The following PCNT variants were observed in gnomAD, a reference collection of about 807,000 sequenced individuals.
The protein encoded by PCNT is kendrin.
In PCNT, 319 loss-of-function variants were observed where a neutral mutation model predicts 380.4. The observed-to-expected ratio is 0.84, with a 90% confidence interval of 0.77 to 0.92. The LOEUF (loss-of-function observed/expected upper bound fraction) is 0.92, where lower values mean the gene tolerates loss of function less well. Ranked by LOEUF, PCNT falls within the 40% of genes least tolerant of loss-of-function variation. The probability of loss-of-function intolerance (pLI) is 0.00; values close to 1 mark genes in which losing one functional copy is unlikely to be tolerated. For synonymous variants in PCNT, 1,845 were observed against 1,735.2 expected (o/e 1.06, Z -1.57); for missense variants, 4,400 against 4,255.3 (o/e 1.03, Z -0.95).
Position 46,430,548 on chromosome 21 carries a change from T to C in PCNT, c.7955T>C (p.Leu2652Pro). 2 of 1,556,310 alleles carry C rather than the reference T, an allele frequency of 1.3e-6. No individual in the cohort carries two copies. Among genetic ancestry groups the C allele is most frequent in the South Asian group, 1.2e-5 (1 of 84,420 alleles). The part of the protein sequence containing the change: ...SSKENELKAA[L>P]QELESEQGKG... ...AAGGAGAACGAGCTGAAGGCCGCGC[T>C]TCAGGAGCTGGAGAGTGAGCAGGGG... Residue 2652 changes from leucine to proline, a missense_variant, in exon 37 of 47, where the codon CTT becomes CCT. Leu to Pro is a moderately conservative substitution (Grantham distance 98, BLOSUM62 -3). Transcript: ENST00000359568.
rs1226671521 is a variant in PCNT at position 46,365,444 on chromosome 21, T to TCTATTCA, written c.2610-1138_2610-1137insATTCACT. ...GGGGTTCTATTCACTGCCGTGGGGTTCTGTTCACTGCCGTGGGGTTCTGTT... is the reference window on the plus strand; with the variant it reads ...GGGGTTCTATTCACTGCCGTGGGGTTCTATTCACTGTTCACTGCCGTGGGGTTCTGTT... On this transcript the variant is annotated intron_variant, in intron 14 of 46. Coordinates refer to ENST00000359568, the MANE Select transcript of PCNT (RefSeq NM_006031.6). Among the ~76,000 whole-genome samples, 65 of 147,978 alleles carry TCTATTCA rather than the reference T, an allele frequency of 4.4e-4. 9 individuals are homozygous for TCTATTCA. The highest frequency in any genetic ancestry group is 1.4e-3 in the African/African-American group (55 of 39,768).
intron 16 of PCNT, 51 bp downstream of exon 16, chr21:46,381,891 T>C: frequency 6.3e-7 from 1 of 1,593,254 alleles, no homozygotes. Context: ...AGCATAAAAA[T>C]CATTTTCACT....
At chr21:46,391,050 T>G in intron 20 of PCNT, 114 bp from the exon 21 acceptor site, 9 of 1,196,774 alleles carry the variant, frequency 7.5e-6, no homozygotes, top group Non-Finnish European at 1.1e-5. Flanking sequence ...TGGAAGCTGC[T>G]GGCTCTTAGC....
rs769557050 is a variant in PCNT, at chr21:46,436,469, G to GCCCCCCCCCCCCCCCC, written c.8996+321_8996+322insCCCCCCCCCCCCCCCC. On this transcript the variant is annotated intron_variant, in intron 39 of 46. Transcript: ENST00000359568. ...CAGGGTCGGGTTTGGAGCCTCCTGT[G>GCCCCCCCCCCCCCCCC]GCCCCCCCCCCCCCCCCCCGCTGGC... is the stretch of plus-strand genomic sequence containing the variant. Among the ~76,000 whole-genome samples, 38 of 40,028 alleles carry GCCCCCCCCCCCCCCCC rather than the reference G, an allele frequency of 9.5e-4. 18 individuals are homozygous for GCCCCCCCCCCCCCCCC. Among genetic ancestry groups the GCCCCCCCCCCCCCCCC allele is most frequent in the Non-Finnish European group, 1.3e-3 (23 of 17,218 alleles). The allele number at this position is 40,028 out of a possible 152,430, so 26.3% of individuals were successfully genotyped here.
intron 32 of PCNT, among the ~76,000 whole-genome samples, chr21:46,424,192 T>C (rs2147882499): frequency 6.6e-6 from 1 of 152,290 alleles, no homozygotes; most frequent in African/African-American, 2.4e-5. Flanking sequence ...CTGAGGAGGC[T>C]GAGAGGTCCT....
chr21:46,386,831 G>T (rs183870189), intron 17 of PCNT, among the ~76,000 whole-genome samples: 33 of 152,342 alleles, frequency 2.2e-4, no homozygotes, highest in Non-Finnish European at 4.1e-4. Context: ...TCGGCACTGT[G>T]TTGCCAAACG....
intron 25 of PCNT, among the ~76,000 whole-genome samples, chr21:46,401,044 A>C (rs759429545): frequency 6.6e-5 from 10 of 152,244 alleles, no homozygotes; most frequent in Non-Finnish European, 1.3e-4. Context: ...TACTGAGCTT[A>C]GTAGATGCCA....
intron 20 of PCNT, 75 bp downstream of exon 20, chr21:46,390,907 G>A (rs1250901837): frequency 3.3e-6 from 5 of 1,496,094 alleles, no homozygotes; most frequent in Non-Finnish European, 4.6e-6. Context: ...AGGGAAGGAA[G>A]CCTTCAGAAT....
intron 9 of PCNT, 25 bp downstream of exon 9, chr21:46,351,565 A>C: frequency 7.7e-7 from 1 of 1,303,672 alleles, no homozygotes; most frequent in Non-Finnish European, 1.1e-6. Flanking sequence ...TGGAAAATTC[A>C]GATCCTCAAA....
rs548998687 is a variant in PCNT at position 46,363,418 on chromosome 21, T to C, written c.2155-62T>C. ...TGTCTTCAGAGGTGGGTTTGGGTTG[T>C]CTCTTCTAATAATCTCTTCCATTAG... On this transcript the variant is annotated intron_variant, in intron 13 of 46. Transcript: ENST00000359568. 6 of 1,380,480 alleles carry C rather than the reference T, an allele frequency of 4.3e-6. No individual in the cohort carries two copies. In the East Asian group the frequency reaches 1.4e-4, roughly 32 times the overall value. 85.5% of individuals were successfully genotyped at this position (1,380,480 alleles called of 1,614,324 possible). A position where few individuals can be genotyped will look rare whatever the true frequency, so the allele number is the denominator to read the frequency against.
chr21:46,436,373 C>G (rs775343922), intron 39 of PCNT, among the ~76,000 whole-genome samples: 1 of 150,602 alleles, frequency 6.6e-6, no homozygotes, highest in African/African-American at 2.4e-5. Flanking sequence ...ATACGCCTGA[C>G]GTGGGGCTTC....
Position 46,397,259 on chromosome 21 carries a change from C to A in PCNT, c.4217-6C>A. ...GTCCCCGTGTCTGTCCTGTTTGCAT[C>A]CTTAGCTCTCCGGAAGGAAGTGGAG... On this transcript the variant is annotated splice_polypyrimidine_tract_variant and splice_region_variant and intron_variant, in intron 21 of 46. Coordinates refer to ENST00000359568, the MANE Select transcript of PCNT (RefSeq NM_006031.6). The A allele has an allele frequency of 6.2e-7, 1 of 1,612,714 alleles. No individual in the cohort carries two copies. The highest frequency in any genetic ancestry group is 8.5e-7 in the Non-Finnish European group (1 of 1,178,760).
At chr21:46,324,930 CG>C (rs1470882245) in intron 1 of PCNT, 1 of 985,386 alleles carries the variant, frequency 1.0e-6, no homozygotes, top group Non-Finnish European at 1.2e-6. Flanking sequence ...GCGGCGCTCC[CG>C]GCCGCCGTCT....
rs1297140205 is a variant in PCNT, at chr21:46,328,653, G to T, written c.267+2064G>T. ...TTTTTGTATTTTTAGTAGAGACAGG[G>T]TTTCACCATGTTGGTCAGGCTGGTC... On this transcript the variant is annotated intron_variant, in intron 2 of 46. Coordinates refer to ENST00000359568, the MANE Select transcript of PCNT (RefSeq NM_006031.6). Among the ~76,000 whole-genome samples the T allele has an allele frequency of 2.6e-5, 4 of 151,972 alleles. No individual in the cohort carries two copies. In the East Asian group the frequency reaches 7.7e-4, roughly 29 times the overall value.
At chr21:46,327,575 C>A (rs909229888) in intron 2 of PCNT, among the ~76,000 whole-genome samples, 1 of 152,024 alleles carries the variant, frequency 6.6e-6, no homozygotes, top group African/African-American at 2.4e-5. Flanking sequence ...CCTGTTTTAT[C>A]TTTATTATGT....
chr21:46,338,214 G>T (rs1013357000), intron 3 of PCNT, among the ~76,000 whole-genome samples: 25 of 152,050 alleles, frequency 1.6e-4, no homozygotes, highest in Non-Finnish European at 5.9e-5. Context: ...TCTTTGTGAT[G>T]CACAATTGTG....
Position 46,402,590 on chromosome 21 carries a change from C to T in PCNT, c.5115+107C>T, listed in dbSNP as rs915564052. ...GAGGCGAGTCTCTGGTCTTCACAGA[C>T]GCCCGTGGCCCCCATGTGGCAGACA... On this transcript the variant is annotated intron_variant, in intron 27 of 46. Coordinates refer to ENST00000359568, the MANE Select transcript of PCNT (RefSeq NM_006031.6). The T allele has an allele frequency of 8.7e-5, 104 of 1,200,988 alleles. 1 individual carries two copies. The highest frequency in any genetic ancestry group is 2.8e-4 in the South Asian group (23 of 81,072). 74.4% of individuals were successfully genotyped at this position (1,200,988 alleles called of 1,614,324 possible).
chr21:46,407,503 G>A (rs373915591), intron 27 of PCNT, among the ~76,000 whole-genome samples: 71 of 151,834 alleles, frequency 4.7e-4, no homozygotes, highest in African/African-American at 1.7e-3. Context: ...CACCAGGCCC[G>A]GCTAATTATT....
chr21:46,351,400 G>T (rs1306169196), intron 8 of PCNT, 29 bp from the exon 9 acceptor site: 2 of 1,268,156 alleles, frequency 1.6e-6, no homozygotes, highest in Non-Finnish European at 2.3e-6. Flanking sequence ...GCTCATTAGG[G>T]TTTCACCTGG....
Sources: allele counts gnomAD v4.1 joint callset (sites outside exome capture counted in the v4.1 genomes callset), GRCh38; gene constraint gnomAD v4.1.1; transcripts MANE v1.5; gene names NCBI Gene and HGNC (gene_info 2026-07-23, HGNC 2026-07-21).